STARD9: variants seen among roughly 807,000 people sequenced by gnomAD.
STARD9 encodes the protein StAR related lipid transfer domain containing 9, also known as stAR-related lipid transfer protein 9.
A neutral mutation model predicts 399.8 loss-of-function variants in STARD9; 346 were observed. The ratio of observed to expected loss-of-function variants is 0.87; its 90% CI spans 0.79 to 0.95. The LOEUF (loss-of-function observed/expected upper bound fraction) is 0.95. Ranked by LOEUF, STARD9 falls within the 40% of genes least tolerant of loss-of-function variation. The pLI, the probability that STARD9 is intolerant of heterozygous loss-of-function variation, is 0.00. For synonymous variants in STARD9, 2,203 were observed against 2,143.5 expected, an observed-to-expected ratio of 1.03 and a Z score of -0.77; for missense variants, 5,832 against 5,667.5, an observed-to-expected ratio of 1.03 and a Z score of -0.93.
chr15:42,714,341 C>T (rs539218356), intron 26 of STARD9, among the ~76,000 whole-genome samples: 1 of 152,296 alleles, frequency 6.6e-6, no homozygotes, highest in East Asian at 1.9e-4. Context: ...GCTGGGATTA[C>T]AGGCGTGAGC....
At chr15:42,634,664 T>A (rs1427176692) in intron 3 of STARD9, among the ~76,000 whole-genome samples, 192 bp from the exon 4 acceptor site, 1 of 152,218 alleles carries the variant, frequency 6.6e-6, no homozygotes, top group East Asian at 1.9e-4. Flanking sequence ...ACTTAAAAAA[T>A]TTGACCGGCT....
At chr15:42,604,202 A>T (rs1276420547) in intron 3 of STARD9, among the ~76,000 whole-genome samples, 1 of 152,082 alleles carries the variant, frequency 6.6e-6, no homozygotes, top group Non-Finnish European at 1.5e-5. Context: ...CAGATTTTTC[A>T]CTGTCATGAT....
At position 42,616,682 on chromosome 15, in the gene STARD9, G is replaced by A. The variant is rs560407974; in HGVS notation, c.235-18174G>A. On this transcript the variant is annotated intron_variant, in intron 3 of 32. Coordinates refer to ENST00000290607, the MANE Select transcript of STARD9 (RefSeq NM_020759.3). ...TGAGGTGGGCGGATCACCAGGTCAG[G>A]AGATCGAGACCATCCTGGCTAACAC... Among the ~76,000 whole-genome samples the A allele has an allele frequency of 6.6e-4, 101 of 152,136 alleles. 1 individual carries two copies. Among genetic ancestry groups the A allele is most frequent in the African/African-American group, 2.4e-3 (98 of 41,518 alleles).
chr15:42,630,754 C>T (rs2059317338), intron 3 of STARD9, among the ~76,000 whole-genome samples: 1 of 152,098 alleles, frequency 6.6e-6, no homozygotes, highest in African/African-American at 2.4e-5. Context: ...TGGATTTCTG[C>T]AGTGTCAGTT....
intron 20 of STARD9, among the ~76,000 whole-genome samples, chr15:42,677,089 TAAAAAAA>T (rs869040683): frequency 5.0e-4 from 27 of 53,606 alleles, no homozygotes; most frequent in South Asian, 2.0e-3. Flanking sequence ...CGTCTCTACT[TAAAAAAA>T]AAAAAAAAAA....
rs1350238636 is a variant in STARD9 at position 42,716,969 on chromosome 15, G to C, written c.13415G>C (p.Ser4472Thr). The change falls in exon 28 of 33, where the codon AGT becomes ACT. Residue 4472 changes from serine to threonine, a missense_variant. By Grantham distance (58) the Ser-to-Thr change is moderately conservative (BLOSUM62 1). This residue lies in a region of STARD9 where 5,828 missense variants were observed against 5,651.1 expected (regional missense o/e 1.03). Coordinates refer to ENST00000290607, the MANE Select transcript of STARD9 (RefSeq NM_020759.3). ...SLGSCCCSPSSLSSLGTCFSS... is the reference protein window; with the variant it reads ...SLGSCCCSPSTLSSLGTCFSS... ...GGCAGTTGCTGCTGTTCACCATCCA[G>C]TCTGTCCAGCTTGGGGACCTGCTTT... is the stretch of plus-strand genomic sequence containing the variant. 3 of 1,537,242 alleles carry C rather than the reference G, an allele frequency of 2.0e-6. No individual in the cohort carries two copies. Among genetic ancestry groups the C allele is most frequent in the East Asian group, 2.4e-5 (1 of 40,912 alleles).
chr15:42,689,654 T>G lies in STARD9; in HGVS notation c.8076T>G (p.Phe2692Leu), dbSNP rs2060643100. ...LRQFAGASEP[F>L]ICHSSSSEII... ...AGTTCGCGGGAGCAAGTGAACCATT[T>G]ATATGTCACTCTAGTTCTTCTGAAA... The change falls in exon 23 of 33, where the codon TTT (phenylalanine) becomes TTG (leucine). Residue 2692 changes from phenylalanine to leucine, a missense_variant. This residue lies in a region of STARD9 where 5,828 missense variants were observed against 5,651.1 expected (regional missense o/e 1.03). Transcript: ENST00000290607. 2 of 1,537,618 alleles carry G rather than the reference T, an allele frequency of 1.3e-6. No homozygotes were observed. Among genetic ancestry groups the G allele is most frequent in the Non-Finnish European group, 1.7e-6 (2 of 1,147,018 alleles).
At chr15:42,656,867 AG>A (rs771788084) in intron 9 of STARD9, among the ~76,000 whole-genome samples, 2 of 152,116 alleles carry the variant, frequency 1.3e-5, no homozygotes, top group African/African-American at 2.4e-5. Context: ...CTTGTGGGAA[AG>A]GGGGGTGAGG....
At chr15:42,681,981 C>T (rs1595761182) in intron 21 of STARD9, 123 bp from the exon 22 acceptor site, 1 of 683,892 alleles carries the variant, frequency 1.5e-6, no homozygotes. Flanking sequence ...CACCCTGCCA[C>T]ATCACCTTGG....
At chr15:42,582,983 A>G (rs1028444873) in intron 1 of STARD9, among the ~76,000 whole-genome samples, 2 of 152,246 alleles carry the variant, frequency 1.3e-5, no homozygotes, top group African/African-American at 2.4e-5. Context: ...GACAAGTTAC[A>G]TAATTTCTCT....
At chr15:42,716,420 T>G (rs1284795301) in intron 26 of STARD9, among the ~76,000 whole-genome samples, 1 of 152,164 alleles carries the variant, frequency 6.6e-6, no homozygotes, top group East Asian at 1.9e-4. Flanking sequence ...TCTCAGGCCC[T>G]GGTTGTTTTG....
intron 15 of STARD9, 57 bp downstream of exon 15, chr15:42,665,905 A>T (rs565096326): frequency 7.0e-7 from 1 of 1,426,856 alleles, no homozygotes; most frequent in South Asian, 1.2e-5. Flanking sequence ...CTCCTCCATT[A>T]TTCCGGAGCT....
At chr15:42,576,544 G>C (rs2058060811) in intron 1 of STARD9, among the ~76,000 whole-genome samples, 1 of 152,182 alleles carries the variant, frequency 6.6e-6, no homozygotes, top group Non-Finnish European at 1.5e-5. Context: ...TAGACTGTAA[G>C]GGACTAACTA....
intron 3 of STARD9, among the ~76,000 whole-genome samples, chr15:42,606,752 G>A (rs1377683160): frequency 6.6e-6 from 1 of 151,752 alleles, no homozygotes; most frequent in East Asian, 1.9e-4. Flanking sequence ...GTAAGCCACT[G>A]CGCCCAGCCT....
At chr15:42,662,241 G>C (rs891861337) in intron 10 of STARD9, among the ~76,000 whole-genome samples, 16 of 152,152 alleles carry the variant, frequency 1.1e-4, no homozygotes, top group Admixed American at 9.8e-4. Context: ...TAGTCTTGAG[G>C]GGGATAATGT....
intron 9 of STARD9, among the ~76,000 whole-genome samples, chr15:42,656,814 C>T (rs1176644079): frequency 2.0e-5 from 3 of 152,064 alleles, no homozygotes; most frequent in Non-Finnish European, 4.4e-5. Context: ...CATAAGGACA[C>T]ATAGGCATAA....
At chr15:42,711,287 C>G in intron 26 of STARD9, among the ~76,000 whole-genome samples, 1 of 151,966 alleles carries the variant, frequency 6.6e-6, no homozygotes, top group Non-Finnish European at 1.5e-5. Context: ...TTACAGGCAT[C>G]CGCCACCACG....
At chr15:42,615,835 C>T (rs2058952297) in intron 3 of STARD9, among the ~76,000 whole-genome samples, 1 of 151,924 alleles carries the variant, frequency 6.6e-6, no homozygotes, top group Non-Finnish European at 1.5e-5. Flanking sequence ...GAGTTATATG[C>T]ATAGCTAATA....
At chr15:42,588,571 G>A (rs1299280468) in intron 3 of STARD9, among the ~76,000 whole-genome samples, 2 of 152,028 alleles carry the variant, frequency 1.3e-5, no homozygotes, top group Non-Finnish European at 2.9e-5. Context: ...GGAGCCAGAG[G>A]TCCCAGAGTG....
Sources: gnomAD v4.1 joint callset for allele counts (sites outside exome capture counted in the v4.1 genomes callset) on GRCh38, gnomAD v4.1.1 for gene constraint, gnomAD v4.1.1 regional missense constraint, MANE v1.5 for transcripts, NCBI Gene and HGNC (gene_info 2026-07-23, HGNC 2026-07-21) for gene names.